FAM185A: variants seen among roughly 807,000 people sequenced by gnomAD.
The protein encoded by FAM185A is protein FAM185A.
A neutral mutation model predicts 45.7 loss-of-function variants in FAM185A; 21 were observed. The observed-to-expected ratio is 0.46, with a 90% CI of 0.33 to 0.66. The LOEUF is 0.66. Among genes scored for constraint, FAM185A ranks in the 30% least tolerant of loss-of-function variants. FAM185A has a pLI of 0.03. For synonymous variants in FAM185A, 117 were observed against 194.0 expected (o/e 0.60, Z 3.30); for missense variants, 305 against 485.4 (o/e 0.63, Z 3.49).
the FAM185A span, among the ~76,000 whole-genome samples, chr7:102,827,319 C>T: frequency 6.6e-6 from 1 of 152,172 alleles, no homozygotes; most frequent in Non-Finnish European, 1.5e-5. Flanking sequence ...ACTGCAGCTC[C>T]TTGGGCAACC....
chr7:102,810,393 CAGCTA>C (rs1797362494), downstream of FAM185A, among the ~76,000 whole-genome samples: 1 of 152,088 alleles, frequency 6.6e-6, no homozygotes, highest in Middle Eastern at 3.4e-3. Context: ...CCACCATGCC[CAGCTA>C]AGTTTTGTAT....
chr7:102,844,318 C>A, the FAM185A span, among the ~76,000 whole-genome samples: 1 of 152,098 alleles, frequency 6.6e-6, no homozygotes, highest in Admixed American at 6.6e-5. Context: ...CCCCTCCAAA[C>A]CAGAAAATAT....
At chr7:102,810,944 C>A (rs1797393111), downstream of FAM185A, among the ~76,000 whole-genome samples, 1 of 152,112 alleles carries the variant, frequency 6.6e-6, no homozygotes, top group African/African-American at 2.4e-5. Flanking sequence ...ATTTATGAAA[C>A]AAAAGTCAGC....
At chr7:102,791,509 T>C (rs1185696581) in intron 7 of FAM185A, among the ~76,000 whole-genome samples, 1 of 152,186 alleles carries the variant, frequency 6.6e-6, no homozygotes, top group Non-Finnish European at 1.5e-5. Flanking sequence ...TCTTTTTGTG[T>C]GTTACTTGTT....
intron 5 of FAM185A, among the ~76,000 whole-genome samples, chr7:102,773,884 G>A (rs2537430): frequency 3.3e-5 from 5 of 152,108 alleles, no homozygotes; most frequent in East Asian, 3.9e-4. Context: ...GCCTTATGCC[G>A]GTGCCACAAT....
chr7:102,813,582 C>T, downstream of FAM185A: 1 of 1,563,986 alleles, frequency 6.4e-7, no homozygotes, highest in Non-Finnish European at 8.7e-7. Context: ...ACCCCTAGTG[C>T]AAAATTTTCA....
intron 7 of FAM185A, among the ~76,000 whole-genome samples, chr7:102,798,778 A>G (rs1249620041): frequency 6.6e-6 from 1 of 151,972 alleles, no homozygotes; most frequent in Non-Finnish European, 1.5e-5. Context: ...ACAGAGTTTC[A>G]CTATTGTTGC....
chr7:102,783,564 G>A (rs905698226), intron 6 of FAM185A, among the ~76,000 whole-genome samples: 4 of 152,130 alleles, frequency 2.6e-5, no homozygotes, highest in African/African-American at 9.7e-5. Context: ...GGTACATAAC[G>A]AAATGAAGGC....
the FAM185A span, among the ~76,000 whole-genome samples, chr7:102,834,087 A>AGGAAGG: frequency 5.0e-5 from 3 of 59,696 alleles, no homozygotes; most frequent in African/African-American, 1.7e-4. Context: ...GAAGGAAAGA[A>AGGAAGG]AAGAAAGAAA....
chr7:102,828,450 C>A, the FAM185A span, among the ~76,000 whole-genome samples: 2 of 152,118 alleles, frequency 1.3e-5, no homozygotes, highest in African/African-American at 4.8e-5. Flanking sequence ...ACATGTTAGC[C>A]AGCTGCACTA....
intron 1 of FAM185A, 60 bp from the exon 2 acceptor site, chr7:102,751,632 A>C: frequency 6.8e-7 from 1 of 1,475,052 alleles, no homozygotes; most frequent in Non-Finnish European, 9.0e-7. Context: ...TTCTAGGTTA[A>C]AATGCTTTGG....
At chr7:102,841,471 A>G in the FAM185A span, among the ~76,000 whole-genome samples, 11 of 152,270 alleles carry the variant, frequency 7.2e-5, no homozygotes, top group Admixed American at 4.6e-4. Context: ...TTCTTCCCCA[A>G]TGGGAGTGGG....
intron 2 of FAM185A, among the ~76,000 whole-genome samples, chr7:102,757,532 G>A (rs1793829628): frequency 6.6e-6 from 1 of 152,120 alleles, no homozygotes; most frequent in Non-Finnish European, 1.5e-5. Flanking sequence ...GATTATTATT[G>A]TCATCTTCAT....
At chr7:102,786,144 C>T (rs1186557015) in intron 6 of FAM185A, among the ~76,000 whole-genome samples, 2 of 152,080 alleles carry the variant, frequency 1.3e-5, no homozygotes, top group South Asian at 2.1e-4. Context: ...CCATCTCACA[C>T]CAGTTAGAAT....
intron 7 of FAM185A, among the ~76,000 whole-genome samples, chr7:102,798,667 G>T (rs566840035): frequency 6.6e-6 from 1 of 152,200 alleles, no homozygotes; most frequent in African/African-American, 2.4e-5. Flanking sequence ...TATTTAAAAA[G>T]AAGAAAAAGT....
In FAM185A at chr7:102,790,401, G is replaced by C. The variant is rs140756554; in HGVS notation, c.1066+2932G>C. Among the ~76,000 whole-genome samples the C allele has an allele frequency of 2.0e-4, 31 of 152,296 alleles. No homozygotes were observed. In the East Asian group the frequency reaches 5.8e-3, roughly 28 times the overall value. ...GTTGACTGAAACATAATTATGCAGT[G>C]TGTGACTGGATATCAAATATAGTGA... On this transcript the variant is annotated intron_variant, in intron 7 of 7. Transcript: ENST00000413034.
intron 2 of FAM185A, among the ~76,000 whole-genome samples, chr7:102,757,636 T>C (rs1793834722): frequency 6.6e-6 from 1 of 152,258 alleles, no homozygotes; most frequent in Non-Finnish European, 1.5e-5. Flanking sequence ...TCTCTTGTTT[T>C]TCCCTTAGAG....
At position 102,749,215 on chromosome 7, in the gene FAM185A, C is replaced by T; in HGVS notation, c.8C>T (p.Ala3Val). The change falls in exon 1 of 8, where the codon GCC becomes GTC. Residue 3 changes from alanine to valine, a missense_variant. Transcript: ENST00000413034. ML[A>V]PCSGWELGCF... is the part of the protein sequence containing the mutation. Reference sequence around the variant, plus strand: ...TGGCGAGAGAGGCGCGCCATGCTTGCCCCCTGCTCAGGTTGGGAGCTTGGC... The same window carrying T: ...TGGCGAGAGAGGCGCGCCATGCTTGTCCCCTGCTCAGGTTGGGAGCTTGGC... The T allele has an allele frequency of 6.4e-7, 1 of 1,551,248 alleles. No homozygotes were observed. The highest frequency in any genetic ancestry group is 1.2e-5 in the South Asian group (1 of 84,066).
intron 7 of FAM185A, among the ~76,000 whole-genome samples, chr7:102,791,307 G>A (rs1260632965): frequency 6.6e-6 from 1 of 151,996 alleles, no homozygotes. Context: ...AACAACTTTT[G>A]CTTTTTAGGA....
Sources: allele counts gnomAD v4.1 joint callset (sites outside exome capture counted in the v4.1 genomes callset), GRCh38; gene constraint gnomAD v4.1.1; transcripts MANE v1.5; gene names NCBI Gene and HGNC (gene_info 2026-07-23, HGNC 2026-07-21).